The following AK5 variants were observed in gnomAD, a reference collection of about 807,000 sequenced individuals.
AK5 encodes adenylate kinase isoenzyme 5.
Under a neutral mutation model 69.5 loss-of-function variants are expected in AK5, and 27 were observed. The observed-to-expected ratio is 0.39, with a 90% CI of 0.29 to 0.54. AK5 has a LOEUF of 0.54. Among genes scored for constraint, AK5 ranks in the 20% least tolerant of loss-of-function variants. AK5 has a pLI of 0.71. For missense variants in AK5, 531 were observed against 700.4 expected, an observed-to-expected ratio of 0.76 and a Z score of 2.73; for synonymous variants, 260 against 244.4, an observed-to-expected ratio of 1.06 and a Z score of -0.60.
intron 13 of AK5, among the ~76,000 whole-genome samples, chr1:77,548,087 G>A (rs1659628222): frequency 6.6e-6 from 1 of 152,168 alleles, no homozygotes; most frequent in South Asian, 2.1e-4. Context: ...TAGGCAGAAT[G>A]GAGAGGAAGA....
intron 10 of AK5, among the ~76,000 whole-genome samples, chr1:77,506,119 A>G (rs1053080044): frequency 6.6e-6 from 1 of 152,104 alleles, no homozygotes; most frequent in Non-Finnish European, 1.5e-5. Context: ...TTTGAAAAGC[A>G]GCTCTGGTCT....
At position 77,521,751 on chromosome 1, in the gene AK5, T is replaced by C; in HGVS notation, c.1312-76T>C. On this transcript the variant is annotated intron_variant, in intron 11 of 13. Coordinates refer to ENST00000354567, the MANE Select transcript of AK5 (RefSeq NM_174858.3). ...GAACCTTCCTCCCTCCCTCAGTGGA[T>C]GACTGAAGGAGACTTGGGGTACTTC... 3 of 1,062,062 alleles carry C rather than the reference T, an allele frequency of 2.8e-6. No individual in the cohort carries two copies. In the South Asian group the frequency reaches 3.9e-5, roughly 14 times the overall value. 65.8% of individuals were successfully genotyped at this position (1,062,062 alleles called of 1,614,324 possible).
At chr1:77,509,315 A>G (rs890425055) in intron 10 of AK5, among the ~76,000 whole-genome samples, 1 of 152,250 alleles carries the variant, frequency 6.6e-6, no homozygotes, top group Non-Finnish European at 1.5e-5. Context: ...TGAAGCAGTC[A>G]GTGCTTTTCA....
rs1187168577 is a variant in AK5 at position 77,368,318 on chromosome 1, A to ATG, written c.891+27751_891+27752insGT. ...GTTATATATAATATATATGTTATAT[A>ATG]TAATATATATGTTATATATGTTATA... On this transcript the variant is annotated intron_variant, in intron 6 of 13. Coordinates refer to ENST00000354567, the MANE Select transcript of AK5 (RefSeq NM_174858.3). 6.5e-3 allele frequency among the ~76,000 whole-genome samples: 794 copies of ATG among 121,516 alleles called. 2 individuals are homozygous for ATG. The highest frequency in any genetic ancestry group is 9.8e-3 in the African/African-American group (297 of 30,228). 79.7% of individuals were successfully genotyped at this position (121,516 alleles called of 152,430 possible).
intron 5 of AK5, among the ~76,000 whole-genome samples, chr1:77,326,704 CT>C (rs1453125604): frequency 6.6e-6 from 1 of 152,096 alleles, no homozygotes; most frequent in East Asian, 1.9e-4. Flanking sequence ...GTCTAAATCA[CT>C]TTTCTAATAC....
chr1:77,382,997 A>G (rs1570475903), intron 6 of AK5, among the ~76,000 whole-genome samples: 1 of 152,186 alleles, frequency 6.6e-6, no homozygotes, highest in East Asian at 1.9e-4. Flanking sequence ...TATGTTCACA[A>G]ATTCATTTGT....
intron 10 of AK5, among the ~76,000 whole-genome samples, chr1:77,496,853 G>A (rs1467385326): frequency 6.6e-6 from 1 of 152,188 alleles, no homozygotes; most frequent in African/African-American, 2.4e-5. Context: ...TCAGCACTCT[G>A]TAAAATGGAC....
At chr1:77,402,518 T>A (rs572948072) in intron 6 of AK5, among the ~76,000 whole-genome samples, 62 of 149,844 alleles carry the variant, frequency 4.1e-4, no homozygotes, top group Admixed American at 2.5e-3. Context: ...ATTGTTCAAT[T>A]CCCACCTATG....
chr1:77,339,215 C>T (rs1661522023), intron 5 of AK5, among the ~76,000 whole-genome samples: 1 of 152,198 alleles, frequency 6.6e-6, no homozygotes. Flanking sequence ...GCGGCATATG[C>T]TTAAAACATT....
intron 8 of AK5, among the ~76,000 whole-genome samples, chr1:77,422,918 A>G (rs1253848442): frequency 1.3e-5 from 2 of 152,148 alleles, no homozygotes; most frequent in Non-Finnish European, 2.9e-5. Flanking sequence ...TGACAACCCC[A>G]CTTAGAAGTA....
chr1:77,511,479 A>T (rs1252163961), intron 10 of AK5, among the ~76,000 whole-genome samples: 1 of 152,234 alleles, frequency 6.6e-6, no homozygotes, highest in Non-Finnish European at 1.5e-5. Flanking sequence ...GACAGTCTTC[A>T]TCTTAGTGAG....
At chr1:77,496,888 T>C (rs913216400) in intron 10 of AK5, among the ~76,000 whole-genome samples, 1 of 151,886 alleles carries the variant, frequency 6.6e-6, no homozygotes, top group Non-Finnish European at 1.5e-5. Context: ...TAAAATGGAC[T>C]AATTGGCACG....
Position 77,367,557 on chromosome 1 carries a change from T to TATA in AK5, c.891+26989_891+26990insATA, listed in dbSNP as rs1557532485. 4.5e-4 allele frequency among the ~76,000 whole-genome samples: 27 copies of TATA among 59,404 alleles called. 2 individuals carry two copies. Among genetic ancestry groups the TATA allele is most frequent in the African/African-American group, 2.2e-3 (25 of 11,332 alleles). 39.0% of individuals were successfully genotyped at this position (59,404 alleles called of 152,430 possible). A position where few individuals can be genotyped will look rare whatever the true frequency, so the allele number is the denominator to read the frequency against. On this transcript the variant is annotated intron_variant, in intron 6 of 13. Coordinates refer to ENST00000354567, the MANE Select transcript of AK5 (RefSeq NM_174858.3). ...TTGCCCAGACTCATTTATGTTATTT[T>TATA]TATATATATATATATATATATAATA...
At chr1:77,319,159 C>A (rs1438980040) in intron 5 of AK5, among the ~76,000 whole-genome samples, 2 of 152,112 alleles carry the variant, frequency 1.3e-5, no homozygotes, top group Non-Finnish European at 2.9e-5. Flanking sequence ...GGGCCTTGAC[C>A]TTTAGTAGAG....
At chr1:77,407,012 A>G (rs1649701389) in intron 6 of AK5, among the ~76,000 whole-genome samples, 2 of 152,112 alleles carry the variant, frequency 1.3e-5, no homozygotes, top group African/African-American at 4.8e-5. Flanking sequence ...TCAAATTGTC[A>G]ATGTCTGGCA....
intron 6 of AK5, among the ~76,000 whole-genome samples, chr1:77,346,581 C>T (rs1378652494): frequency 6.6e-6 from 1 of 152,174 alleles, no homozygotes; most frequent in Non-Finnish European, 1.5e-5. Flanking sequence ...ACTGCAACCT[C>T]TGCCTCCCAG....
intron 5 of AK5, among the ~76,000 whole-genome samples, chr1:77,321,903 G>A (rs1353810619): frequency 6.6e-6 from 1 of 152,098 alleles, no homozygotes; most frequent in Non-Finnish European, 1.5e-5. Context: ...TCTACAAAAT[G>A]TGTACCAAAA....
chr1:77,321,001 G>GT (rs1460628212), intron 5 of AK5, among the ~76,000 whole-genome samples: 1 of 152,172 alleles, frequency 6.6e-6, no homozygotes, highest in African/African-American at 2.4e-5. Flanking sequence ...AATTGGAAAT[G>GT]TTAACAATCT....
At chr1:77,337,902 G>A (rs79573451) in intron 5 of AK5, among the ~76,000 whole-genome samples, 1,843 of 151,950 alleles carry the variant, frequency 0.012, 44 homozygotes, top group African/African-American at 0.042. Flanking sequence ...CCTAGCATAC[G>A]CCTGTGCTTA....
Sources: allele counts gnomAD v4.1 joint callset (sites outside exome capture counted in the v4.1 genomes callset), GRCh38; gene constraint gnomAD v4.1.1; transcripts MANE v1.5; gene names NCBI Gene and HGNC (gene_info 2026-07-23, HGNC 2026-07-21).